The following BECN1 variants were observed in gnomAD, a reference collection of about 807,000 sequenced individuals.
BECN1 encodes beclin-1.
A neutral mutation model predicts 60.1 loss-of-function variants in BECN1; 15 were observed. The observed-to-expected ratio is 0.25, with a 90% confidence interval of 0.17 to 0.38. The LOEUF (loss-of-function observed/expected upper bound fraction) is 0.38, where lower values mean the gene tolerates loss of function less well. Ranked by LOEUF, BECN1 falls within the 10% of genes least tolerant of loss-of-function variation. BECN1 has a pLI of 1.00. For synonymous variants in BECN1, 179 were observed against 201.8 expected, an observed-to-expected ratio of 0.89 and a Z score of 0.96; for missense variants, 424 against 548.2, an observed-to-expected ratio of 0.77 and a Z score of 2.26.
intron 3 of BECN1, among the ~76,000 whole-genome samples, chr17:42,820,054 T>C (rs1404111076): frequency 3.9e-5 from 6 of 152,240 alleles, no homozygotes; most frequent in Admixed American, 6.5e-5. Flanking sequence ...ACAGCATCTA[T>C]TGACTTCAAA....
intron 11 of BECN1, chr17:42,811,370 G>A (rs1213812999): frequency 3.5e-5 from 12 of 340,840 alleles, no homozygotes. Flanking sequence ...TATTTCCAAG[G>A]GCTTCAGGGA....
Position 42,824,229 on chromosome 17 carries a change from G to T in BECN1, c.-77C>A, listed in dbSNP as rs1181474895. The T allele has an allele frequency of 4.9e-6, 2 of 407,826 alleles. No homozygotes were observed. The highest frequency in any genetic ancestry group is 8.7e-6 in the Non-Finnish European group (2 of 230,118). The allele number at this position is 407,826 out of a possible 1,614,324, so 25.3% of individuals were successfully genotyped here. Reference sequence around the variant, plus strand: ...TGTGGCCTCGGGTCGGCCCCGGAGCGAGGCCTCCAGAACTACCATCGCTCT... The same window carrying T: ...TGTGGCCTCGGGTCGGCCCCGGAGCTAGGCCTCCAGAACTACCATCGCTCT... On this transcript the variant is annotated 5_prime_UTR_variant, in exon 1 of 12. An upstream open reading frame in the 5' UTR gains an earlier in-frame stop. Transcript: ENST00000590099.
chr17:42,814,510 G>A lies in BECN1; in HGVS notation c.980+14C>T, dbSNP rs200302913. ...AATGCACATCACTCCCCAAGAAAGG[G>A]CTACACTTCCTACCTCTGAAATTTC... On this transcript the variant is annotated intron_variant, in intron 9 of 11. Transcript: ENST00000590099. 4 of 1,614,022 alleles carry A rather than the reference G, an allele frequency of 2.5e-6. No homozygotes were observed. Among genetic ancestry groups the A allele is most frequent in the Middle Eastern group, 1.6e-4 (1 of 6,062 alleles).
intron 11 of BECN1, 126 bp from the exon 12 acceptor site, chr17:42,811,054 T>C: frequency 6.7e-6 from 7 of 1,047,954 alleles, no homozygotes; most frequent in Non-Finnish European, 7.9e-6. Context: ...TGAGGAATGA[T>C]AGTGTATTTT....
At chr17:42,815,127 T>C (rs540320053) in intron 8 of BECN1, 2 of 163,794 alleles carry the variant, frequency 1.2e-5, no homozygotes, top group Non-Finnish European at 2.6e-5. Flanking sequence ...CTAAAATGCT[T>C]CAGTGTCTCC....
In BECN1 at chr17:42,823,778, G is replaced by C. The variant is rs758279127; in HGVS notation, c.100C>G (p.Leu34Val). 6.2e-7 allele frequency: 1 copy of C among 1,614,100 alleles called. No individual in the cohort carries two copies. The highest frequency in any genetic ancestry group is 8.5e-7 in the Non-Finnish European group (1 of 1,179,994). ...PLKLDTSFKI[L>V]DRVTIQELTA... ...AGTTCCTGGATGGTGACACGGTCCA[G>C]GATCTTGAAACTCGTGTCCAGTTTC... is the stretch of plus-strand genomic sequence containing the variant. The change falls in exon 2 of 12, where the codon CTG becomes GTG. Residue 34 changes from leucine to valine, a missense_variant. Physicochemically the swap from Leu to Val is conservative, Grantham distance 32. Coordinates refer to ENST00000590099, the MANE Select transcript of BECN1 (RefSeq NM_001313998.2).
At position 42,818,267 on chromosome 17, in the gene BECN1, C is replaced by T. The variant is rs201722661; in HGVS notation, c.637G>A (p.Glu213Lys). 16 of 1,614,076 alleles carry T rather than the reference C, an allele frequency of 9.9e-6. No homozygotes were observed. Among genetic ancestry groups the T allele is most frequent in the East Asian group, 2.2e-5 (1 of 44,896 alleles). Residue 213 changes from glutamate to lysine, a missense_variant, in exon 7 of 12, where the codon GAG (glutamate) becomes AAG (lysine). Around this residue, in one of 3 missense-constraint regions of BECN1, gnomAD observed 326 missense variants for 406.2 expected, o/e 0.80. Coordinates refer to ENST00000590099, the MANE Select transcript of BECN1 (RefSeq NM_001313998.2). ...KNRKIVAENL[E>K]KVQAEAERLD... Reference sequence around the variant, plus strand: ...CTCTCAGCCTCAGCCTGGACCTTCTCGAGATTTTCTGCCACTATCTTGCGG... The same window carrying T: ...CTCTCAGCCTCAGCCTGGACCTTCTTGAGATTTTCTGCCACTATCTTGCGG...
Position 42,818,609 on chromosome 17 carries a change from T to C in BECN1, c.423A>G (p.Thr141=), listed in dbSNP as rs1370677751. Reference sequence around the variant, plus strand: ...TGTCCAGCTGGTCTAAAAGAGTATCTGTGCATTCCTCACAGAGTGGGTGAT... The same window carrying C: ...TGTCCAGCTGGTCTAAAAGAGTATCCGTGCATTCCTCACAGAGTGGGTGAT... ...DVDHPLCEEC[T]DTLLDQLDTQ... The change falls in exon 6 of 12, where the codon ACA becomes ACG. Residue 141 remains threonine, a synonymous_variant. Coordinates refer to ENST00000590099, the MANE Select transcript of BECN1 (RefSeq NM_001313998.2). 6.2e-7 allele frequency: 1 copy of C among 1,614,062 alleles called. No individual in the cohort carries two copies. Among genetic ancestry groups the C allele is most frequent in the Non-Finnish European group, 8.5e-7 (1 of 1,180,036 alleles).
At chr17:42,813,625 G>GAA in intron 10 of BECN1, 4 of 181,344 alleles carry the variant, frequency 2.2e-5, no homozygotes, top group South Asian at 2.5e-4. Context: ...CCCAAAATCT[G>GAA]AAAAAAAAAA....
intron 10 of BECN1, among the ~76,000 whole-genome samples, chr17:42,813,264 G>T (rs894134737): frequency 6.6e-6 from 1 of 151,928 alleles, no homozygotes; most frequent in African/African-American, 2.4e-5. Context: ...GCCAGGCACG[G>T]TGGCTCATGC....
intron 8 of BECN1, chr17:42,815,016 T>C: frequency 3.7e-6 from 1 of 266,762 alleles, no homozygotes. Context: ...TACTGATGAG[T>C]ATCCTTTCCA....
rs762174242 is a variant in BECN1, at chr17:42,823,891, GAA to G, written c.-2-14_-2-13del. 7.4e-6 allele frequency: 12 copies of G among 1,611,760 alleles called. No individual in the cohort carries two copies. In the African/African-American group the frequency reaches 1.5e-4, roughly 20 times the overall value. On this transcript the variant is annotated splice_polypyrimidine_tract_variant and intron_variant, in intron 1 of 11. Transcript: ENST00000590099. The stretch of plus-strand genomic sequence containing the variant: ...AGACCCTTCCATCCCTGAGGCCGTG[GAA>G]AAGAGGCAACATTAGGGAGAAGCGA...
At chr17:42,816,888 T>C (rs2055158729) in intron 7 of BECN1, among the ~76,000 whole-genome samples, 1 of 151,980 alleles carries the variant, frequency 6.6e-6, no homozygotes, top group Non-Finnish European at 1.5e-5. Context: ...GAGAATCGCT[T>C]GAACCTGGGA....
At chr17:42,820,990 T>C in intron 2 of BECN1, 149 bp from the exon 3 acceptor site, 1 of 666,904 alleles carries the variant, frequency 1.5e-6, no homozygotes, top group Non-Finnish European at 2.7e-6. Flanking sequence ...GAATCTGTGG[T>C]CTTCCTCACC....
At chr17:42,822,133 G>A (rs1430722951) in intron 2 of BECN1, among the ~76,000 whole-genome samples, 1 of 152,140 alleles carries the variant, frequency 6.6e-6, no homozygotes, top group Admixed American at 6.5e-5. Context: ...AACCCGGGAG[G>A]CAGAGGTTGC....
chr17:42,823,651 G>C, intron 2 of BECN1, 97 bp downstream of exon 2: 2 of 1,487,470 alleles, frequency 1.3e-6, no homozygotes, highest in African/African-American at 2.8e-5. Flanking sequence ...CACACGATGA[G>C]TTTGTGGCAG....
chr17:42,821,153 G>A (rs1021939111), intron 2 of BECN1, among the ~76,000 whole-genome samples: 5 of 152,178 alleles, frequency 3.3e-5, no homozygotes, highest in African/African-American at 4.8e-5. Flanking sequence ...TCTGCCTCCC[G>A]GGTTCGAGTG....
intron 6 of BECN1, 27 bp downstream of exon 6, chr17:42,818,517 C>A (rs1266007451): frequency 6.2e-7 from 1 of 1,613,994 alleles, no homozygotes; most frequent in Admixed American, 1.7e-5. Flanking sequence ...AGTAACAGCT[C>A]TGAGCCCTGG....
In BECN1 at chr17:42,814,681, G is replaced by C; in HGVS notation, c.831-8C>G. On this transcript the variant is annotated splice_polypyrimidine_tract_variant and splice_region_variant and intron_variant, in intron 8 of 11. Coordinates refer to ENST00000590099, the MANE Select transcript of BECN1 (RefSeq NM_001313998.2). The stretch of plus-strand genomic sequence containing the variant: ...CCAAACTGTCCACTGTGCCTACAGA[G>C]GAAGGCAGAAAGGTGGGGGGAAATA... 6.2e-7 allele frequency: 1 copy of C among 1,613,978 alleles called. No individual in the cohort carries two copies. The highest frequency in any genetic ancestry group is 2.2e-5 in the East Asian group (1 of 44,876).
Sources: gnomAD v4.1 joint callset for allele counts (sites outside exome capture counted in the v4.1 genomes callset) on GRCh38, gnomAD v4.1.1 for gene constraint, gnomAD v4.1.1 regional missense constraint, MANE v1.5 for transcripts, NCBI Gene and HGNC (gene_info 2026-07-23, HGNC 2026-07-21) for gene names.